SYNE1: variants seen among roughly 807,000 people sequenced by gnomAD.
The protein encoded by SYNE1 is spectrin repeat containing nuclear envelope protein 1, also known as nesprin-1.
Under a neutral mutation model 1,111.0 loss-of-function variants are expected in SYNE1, and 616 were observed. That is an observed-to-expected ratio of 0.55 (90% CI 0.52 to 0.59). The LOEUF (loss-of-function observed/expected upper bound fraction) is 0.59, where lower values mean the gene tolerates loss of function less well. SYNE1 is among the 20% of genes least tolerant of loss of function. The probability of loss-of-function intolerance (pLI) is 0.00; values close to 1 mark genes in which losing one functional copy is unlikely to be tolerated. For synonymous variants in SYNE1, 3,855 were observed against 3,825.8 expected (o/e 1.01, Z -0.28); for missense variants, 10,006 against 10,417.0 (o/e 0.96, Z 1.72).
intron 39 of SYNE1, among the ~76,000 whole-genome samples, chr6:152,422,106 G>A (rs186520690): frequency 6.2e-4 from 95 of 152,282 alleles, no homozygotes; most frequent in Non-Finnish European, 2.2e-4. Flanking sequence ...GCCTGTTGAT[G>A]TATTGACTTC....
At chr6:152,180,934 CTTT>C (rs11454864) in intron 128 of SYNE1, among the ~76,000 whole-genome samples, 4 of 150,934 alleles carry the variant, frequency 2.7e-5, no homozygotes, top group Non-Finnish European at 4.4e-5. Flanking sequence ...TCTTTTCCTT[CTTT>C]TTTTTTCGCA....
rs1376716993 is a variant in SYNE1, at chr6:152,442,157, C to A, written c.3926G>T (p.Arg1309Leu). Residue 1309 changes from arginine to leucine, a missense_variant, in exon 31 of 146, where the codon CGA (arginine) becomes CTA (leucine). Arg to Leu is a moderately radical substitution (Grantham distance 102, BLOSUM62 -2). Transcript: ENST00000367255. ...CAGCTTCCGCAGCTCCTCGTGGCCTCGGTCAGGCAGCCCCCCTTCTCCCTG... is the reference window on the plus strand; with the variant it reads ...CAGCTTCCGCAGCTCCTCGTGGCCTAGGTCAGGCAGCCCCCCTTCTCCCTG... The part of the protein sequence containing the change: ...AQQGEGGLPD[R>L]GHEELRKLES... The A allele has an allele frequency of 6.2e-7, 1 of 1,613,744 alleles. No individual in the cohort carries two copies. Among genetic ancestry groups the A allele is most frequent in the Admixed American group, 1.7e-5 (1 of 60,006 alleles).
intron 3 of SYNE1, among the ~76,000 whole-genome samples, chr6:152,621,180 C>G (rs1297848050): frequency 1.3e-5 from 2 of 152,082 alleles, no homozygotes; most frequent in African/African-American, 4.8e-5. Flanking sequence ...TAACATTTGG[C>G]TGACATAGGT....
At chr6:152,509,763 A>T (rs537572069) in intron 8 of SYNE1, among the ~76,000 whole-genome samples, 1 of 152,326 alleles carries the variant, frequency 6.6e-6, no homozygotes, top group Non-Finnish European at 1.5e-5. Context: ...AACATAAAAA[A>T]AAAATGTTTT....
chr6:152,140,167 A>G lies in SYNE1; in HGVS notation c.25247-6T>C. 1 of 1,614,114 alleles carries G rather than the reference A, an allele frequency of 6.2e-7. No individual in the cohort carries two copies. On this transcript the variant is annotated splice_polypyrimidine_tract_variant and splice_region_variant and intron_variant, in intron 139 of 145. Coordinates refer to ENST00000367255, the MANE Select transcript of SYNE1 (RefSeq NM_182961.4). ...CTCCCATCGGTCAATCACACCTGGCAAGACATGCATAGAACAGTGAGGTTA... is the reference window on the plus strand; with the variant it reads ...CTCCCATCGGTCAATCACACCTGGCGAGACATGCATAGAACAGTGAGGTTA...
intron 128 of SYNE1, among the ~76,000 whole-genome samples, chr6:152,186,621 A>G (rs1451534644): frequency 6.7e-6 from 1 of 148,308 alleles, no homozygotes; most frequent in Non-Finnish European, 1.5e-5. Flanking sequence ...TTAGAAGGGA[A>G]GAAACAGTGT....
chr6:152,543,406 C>G (rs915391152), intron 3 of SYNE1, among the ~76,000 whole-genome samples: 1 of 151,974 alleles, frequency 6.6e-6, no homozygotes, highest in African/African-American at 2.4e-5. Flanking sequence ...TTCAGCAAAC[C>G]CTCATTTTTT....
At chr6:152,601,462 A>G (rs1045558222) in intron 3 of SYNE1, among the ~76,000 whole-genome samples, 1 of 152,202 alleles carries the variant, frequency 6.6e-6, no homozygotes, top group African/African-American at 2.4e-5. Context: ...TGGTAGGGCA[A>G]AAAAGGCAAA....
chr6:152,278,968 C>T (rs1214511903), intron 97 of SYNE1, among the ~76,000 whole-genome samples: 1 of 151,926 alleles, frequency 6.6e-6, no homozygotes, highest in Non-Finnish European at 1.5e-5. Context: ...CAAGGTCTCA[C>T]TTTGTTGCCT....
intron 95 of SYNE1, among the ~76,000 whole-genome samples, chr6:152,290,088 A>G (rs2094528214): frequency 6.6e-6 from 1 of 152,182 alleles, no homozygotes; most frequent in Admixed American, 6.5e-5. Context: ...AAAAAACAAA[A>G]CAAAACAAAA....
intron 3 of SYNE1, among the ~76,000 whole-genome samples, chr6:152,593,271 C>T (rs114986347): frequency 0.022 from 3,320 of 152,176 alleles, 129 homozygotes; most frequent in African/African-American, 0.076. Flanking sequence ...AATTATACTA[C>T]AATGAAATGT....
chr6:152,484,719 A>T, intron 13 of SYNE1, 116 bp downstream of exon 13: 1 of 1,097,640 alleles, frequency 9.1e-7, no homozygotes, highest in Non-Finnish European at 1.3e-6. Context: ...AAGTCTTTCT[A>T]GCCTCAGACA....
intron 41 of SYNE1, among the ~76,000 whole-genome samples, chr6:152,415,884 A>G (rs1457515006): frequency 1.3e-5 from 2 of 152,028 alleles, no homozygotes; most frequent in Non-Finnish European, 2.9e-5. Flanking sequence ...GTCTCAATCA[A>G]TTTAGAAGTT....
intron 4 of SYNE1, among the ~76,000 whole-genome samples, chr6:152,533,919 G>T (rs528121520): frequency 6.6e-6 from 1 of 152,188 alleles, no homozygotes; most frequent in South Asian, 2.1e-4. Context: ...AGCATTTTGG[G>T]AGGCTGAGGT....
chr6:152,502,849 G>A, intron 9 of SYNE1, 107 bp from the exon 10 acceptor site: 1 of 843,188 alleles, frequency 1.2e-6, no homozygotes, highest in Non-Finnish European at 1.9e-6. Flanking sequence ...AACGCAGAAG[G>A]AAAACAGAAG....
At position 152,347,117 on chromosome 6, in the gene SYNE1, T is replaced by C. The variant is rs2096651148; in HGVS notation, c.12020A>G (p.His4007Arg). Reference sequence around the variant, plus strand: ...GTCCTTTGTGCCCTGCAGATGAGCATGCACGTTTTGTTTAAGTTTCGCTTG... The same window carrying C: ...GTCCTTTGTGCCCTGCAGATGAGCACGCACGTTTTGTTTAAGTTTCGCTTG... ...HLQAKLKQNVHAHLQGTKDSY... is the reference protein window; with the variant it reads ...HLQAKLKQNVRAHLQGTKDSY... The change falls in exon 73 of 146, where the codon CAT becomes CGT. Residue 4007 changes from histidine (H) to arginine (R), a missense_variant. Around this residue, in one of 7 missense-constraint regions of SYNE1, gnomAD observed 4,955 missense variants for 5,017.2 expected, o/e 0.99. Coordinates refer to ENST00000367255, the MANE Select transcript of SYNE1 (RefSeq NM_182961.4). The C allele has an allele frequency of 1.2e-6, 2 of 1,614,108 alleles. No individual in the cohort carries two copies. Among genetic ancestry groups the C allele is most frequent in the Non-Finnish European group, 8.5e-7 (1 of 1,180,048 alleles).
chr6:152,257,069 T>C (rs2153630154), intron 101 of SYNE1, among the ~76,000 whole-genome samples: 1 of 152,244 alleles, frequency 6.6e-6, no homozygotes, highest in South Asian at 2.1e-4. Context: ...TAACATATTG[T>C]ATATCTCAAT....
chr6:152,338,829 T>C (rs186822359), intron 75 of SYNE1, among the ~76,000 whole-genome samples: 1 of 152,204 alleles, frequency 6.6e-6, no homozygotes, highest in South Asian at 2.1e-4. Context: ...TTGTGACAGA[T>C]GGCATGCTCT....
intron 71 of SYNE1, 45 bp downstream of exon 71, chr6:152,350,572 AT>A: frequency 6.2e-7 from 1 of 1,613,754 alleles, no homozygotes. Flanking sequence ...CAGGGCCCAC[AT>A]TTTGGAAAAT....
Sources: allele counts gnomAD v4.1 joint callset (sites outside exome capture counted in the v4.1 genomes callset), GRCh38; gene constraint gnomAD v4.1.1; regional missense constraint gnomAD v4.1.1; transcripts MANE v1.5; gene names NCBI Gene and HGNC (gene_info 2026-07-23, HGNC 2026-07-21).